The following PHLDB2 variants were observed in gnomAD, a reference collection of about 807,000 sequenced individuals.
PHLDB2 encodes pleckstrin homology like domain family B member 2, also known as pleckstrin homology-like domain family B member 2.
In PHLDB2, 71 loss-of-function variants were observed where a neutral mutation model predicts 123.6. That is an observed-to-expected ratio of 0.57 (90% confidence interval 0.47 to 0.70). The LOEUF (loss-of-function observed/expected upper bound fraction) is 0.70. PHLDB2 is among the 30% of genes least tolerant of loss of function. The probability of loss-of-function intolerance (pLI) is 0.00; values close to 1 mark genes in which losing one functional copy is unlikely to be tolerated. For synonymous variants in PHLDB2, 547 were observed against 541.6 expected (o/e 1.01, Z -0.14); for missense variants, 1,446 against 1,519.5 (o/e 0.95, Z 0.80).
At chr3:111,763,590 CTACTGCA>C (rs2060030546) in intron 1 of PHLDB2, among the ~76,000 whole-genome samples, 1 of 152,152 alleles carries the variant, frequency 6.6e-6, no homozygotes, top group South Asian at 2.1e-4. Flanking sequence ...AACTACTACT[CTACTGCA>C]AGGAAAAGAG....
At chr3:111,805,093 A>T (rs1255816118) in intron 1 of PHLDB2, among the ~76,000 whole-genome samples, 1 of 152,190 alleles carries the variant, frequency 6.6e-6, no homozygotes. Flanking sequence ...CACGTTAAAC[A>T]TACGTGTGCC....
chr3:111,871,110 C>A (rs773011744), intron 1 of PHLDB2, among the ~76,000 whole-genome samples: 12 of 152,272 alleles, frequency 7.9e-5, no homozygotes, highest in Non-Finnish European at 1.5e-4. Flanking sequence ...CTATCACTTG[C>A]TCTTGCAGTC....
At chr3:111,757,343 C>T (rs546026872) in intron 1 of PHLDB2, among the ~76,000 whole-genome samples, 24 of 152,216 alleles carry the variant, frequency 1.6e-4, no homozygotes, top group Non-Finnish European at 2.2e-4. Context: ...AGGCTTTGTT[C>T]GTTTCTTTTT....
chr3:111,945,175 G>C (rs951795321), intron 8 of PHLDB2, 93 bp from the exon 9 acceptor site: 45 of 827,666 alleles, frequency 5.4e-5, no homozygotes, highest in Non-Finnish European at 8.6e-5. Flanking sequence ...AAATATGTGA[G>C]AATCTGATGT....
At chr3:111,844,865 G>T (rs2063879019) in intron 1 of PHLDB2, among the ~76,000 whole-genome samples, 1 of 152,156 alleles carries the variant, frequency 6.6e-6, no homozygotes, top group Non-Finnish European at 1.5e-5. Context: ...TGAGAATCAA[G>T]TGGGACAATA....
At position 111,748,359 on chromosome 3, in the gene PHLDB2, C is replaced by G. The variant is rs539926786; in HGVS notation, c.-49+15656C>G. On this transcript the variant is annotated intron_variant, in intron 1 of 17. Coordinates refer to the PHLDB2 transcript ENST00000393923. ...AGATGTTCCTAGTGGCCTGAGCTTC[C>G]GGGGAAGGAAATGTCTAACCCTTTG... is the stretch of plus-strand genomic sequence containing the variant. Among the ~76,000 whole-genome samples, 9 of 152,134 alleles carry G rather than the reference C, an allele frequency of 5.9e-5. No individual in the cohort carries two copies. In the East Asian group the frequency reaches 1.7e-3, roughly 29 times the overall value.
intron 3 of PHLDB2, chr3:111,914,268 T>A (rs546190470): frequency 1.3e-4 from 20 of 152,348 alleles, no homozygotes; most frequent in African/African-American, 4.8e-4. Context: ...ATATATATAT[T>A]TGCACAATTC....
chr3:111,939,099 A>C (rs2069698362), intron 6 of PHLDB2, among the ~76,000 whole-genome samples: 1 of 152,114 alleles, frequency 6.6e-6, no homozygotes, highest in Admixed American at 6.5e-5. Flanking sequence ...TGAGCCACCC[A>C]CCACGCCTGG....
intron 1 of PHLDB2, among the ~76,000 whole-genome samples, chr3:111,737,873 G>A (rs2059536668): frequency 6.6e-6 from 1 of 152,086 alleles, no homozygotes; most frequent in Non-Finnish European, 1.5e-5. Context: ...TTTCGTCCAT[G>A]GGGCCTACTT....
At chr3:111,972,277 C>G (rs13065025) in intron 16 of PHLDB2, among the ~76,000 whole-genome samples, 59,068 of 151,910 alleles carry the variant, frequency 0.39, 12,032 homozygotes, top group East Asian at 0.56. Context: ...AACATGGTAT[C>G]AGTTAAAACA....
chr3:111,875,188 G>A (rs2065543555), intron 1 of PHLDB2, among the ~76,000 whole-genome samples: 2 of 151,580 alleles, frequency 1.3e-5, no homozygotes, highest in Non-Finnish European at 2.9e-5. Flanking sequence ...TTTGCTTGTT[G>A]CCCAGGCTGG....
chr3:111,852,326 C>A (rs922106922), intron 2 of PHLDB2, among the ~76,000 whole-genome samples: 1 of 148,018 alleles, frequency 6.8e-6, no homozygotes, highest in Non-Finnish European at 1.5e-5. Context: ...ATTATATATA[C>A]AATTATGTTA....
intron 2 of PHLDB2, among the ~76,000 whole-genome samples, chr3:111,912,303 T>C (rs927020434): frequency 6.6e-6 from 1 of 152,240 alleles, no homozygotes; most frequent in Admixed American, 6.5e-5. Context: ...ATCATAGATA[T>C]CTGCCTGTTG....
intron 8 of PHLDB2, among the ~76,000 whole-genome samples, chr3:111,943,993 A>G (rs909802241): frequency 6.6e-6 from 1 of 152,226 alleles, no homozygotes; most frequent in Non-Finnish European, 1.5e-5. Context: ...ATATCCATCA[A>G]TAGGAGCATG....
intron 2 of PHLDB2, among the ~76,000 whole-genome samples, chr3:111,906,657 G>A (rs751944630): frequency 5.3e-5 from 8 of 152,142 alleles, no homozygotes; most frequent in Non-Finnish European, 1.0e-4. Context: ...AGTTATTCAC[G>A]TATGTCTCAC....
chr3:111,908,691 G>A (rs2067696958), intron 2 of PHLDB2, among the ~76,000 whole-genome samples: 1 of 152,164 alleles, frequency 6.6e-6, no homozygotes, highest in Admixed American at 6.5e-5. Context: ...CTTACCCTGT[G>A]TCCAGAAAGA....
intron 1 of PHLDB2, among the ~76,000 whole-genome samples, chr3:111,815,098 G>T (rs373373007): frequency 6.6e-6 from 1 of 152,090 alleles, no homozygotes; most frequent in Non-Finnish European, 1.5e-5. Flanking sequence ...AAGATATGAC[G>T]TGCTCCTCCT....
chr3:111,810,849 A>G (rs1269553643), intron 1 of PHLDB2, among the ~76,000 whole-genome samples: 1 of 152,228 alleles, frequency 6.6e-6, no homozygotes, highest in Non-Finnish European at 1.5e-5. Context: ...GATCCTCAGT[A>G]TATAATATAA....
intron 1 of PHLDB2, among the ~76,000 whole-genome samples, chr3:111,876,859 T>C (rs1030095574): frequency 1.3e-5 from 2 of 152,324 alleles, no homozygotes; most frequent in Admixed American, 1.3e-4. Context: ...CTGAGAATTA[T>C]GGTTTCCAGC....
Sources: allele counts gnomAD v4.1 joint callset (sites outside exome capture counted in the v4.1 genomes callset), GRCh38; gene constraint gnomAD v4.1.1; transcripts MANE v1.5; gene names NCBI Gene and HGNC (gene_info 2026-07-23, HGNC 2026-07-21).